The following CAMTA1 variants were observed in gnomAD, a reference collection of about 807,000 sequenced individuals.
CAMTA1 encodes the protein calmodulin-binding transcription activator 1.
Under a neutral mutation model 170.9 loss-of-function variants are expected in CAMTA1, and 27 were observed. That is an observed-to-expected ratio of 0.16 (90% confidence interval 0.12 to 0.22). The LOEUF (loss-of-function observed/expected upper bound fraction) is 0.22. CAMTA1 is among the 10% of genes least tolerant of loss of function. The pLI is 1.00. For missense variants in CAMTA1, 1,619 were observed against 2,217.2 expected (o/e 0.73, Z 5.42); for synonymous variants, 833 against 891.5 (o/e 0.93, Z 1.17).
chr1:7,659,829 C>T (rs534118362), intron 7 of CAMTA1, among the ~76,000 whole-genome samples: 1 of 152,334 alleles, frequency 6.6e-6, no homozygotes, highest in African/African-American at 2.4e-5. Context: ...TGGGTATGCA[C>T]AAAGTGCCAG....
At chr1:6,899,246 A>G (rs1204756487) in intron 3 of CAMTA1, among the ~76,000 whole-genome samples, 2 of 152,228 alleles carry the variant, frequency 1.3e-5, no homozygotes, top group African/African-American at 4.8e-5. Context: ...GATGGAGCCT[A>G]TTCTGGGAAG....
chr1:7,663,329 CGT>C (rs1335336562), intron 8 of CAMTA1, 22 bp from the exon 9 acceptor site: 3 of 1,517,344 alleles, frequency 2.0e-6, no homozygotes, highest in Non-Finnish European at 2.7e-6. Flanking sequence ...TGTGCGTGCG[CGT>C]GTTGTGTTCC....
chr1:7,594,216 AG>A (rs1361289866), intron 6 of CAMTA1, among the ~76,000 whole-genome samples: 1 of 149,480 alleles, frequency 6.7e-6, no homozygotes, highest in African/African-American at 2.5e-5. Flanking sequence ...GAAGGAAGGA[AG>A]GAAGGAAGGA....
chr1:7,266,212 G>A (rs1457804325), intron 5 of CAMTA1, among the ~76,000 whole-genome samples: 2 of 142,854 alleles, frequency 1.4e-5, no homozygotes, highest in African/African-American at 4.9e-5. Context: ...GCAGAGGAGG[G>A]AACAAGGAAC....
intron 6 of CAMTA1, among the ~76,000 whole-genome samples, chr1:7,511,430 T>G (rs1240479741): frequency 1.3e-5 from 2 of 151,636 alleles, no homozygotes; most frequent in African/African-American, 4.8e-5. Flanking sequence ...TGCAGGATGA[T>G]AATTATCATT....
Position 7,158,426 on chromosome 1 carries a change from T to C in CAMTA1, c.302+67055T>C, listed in dbSNP as rs531676941. On this transcript the variant is annotated intron_variant, in intron 4 of 22. Coordinates refer to ENST00000303635, the MANE Select transcript of CAMTA1 (RefSeq NM_015215.4). ...AGTACAATGCCTGTATCTTGACAGA[T>C]GTTGGATTGCACAGTGAGGCGCATT... Among the ~76,000 whole-genome samples the C allele has an allele frequency of 2.0e-5, 3 of 152,286 alleles. No homozygotes were observed. The South Asian group carries it at 6.2e-4, about 32-fold the overall frequency.
chr1:7,288,726 A>G lies in CAMTA1; in HGVS notation c.438+39100A>G, dbSNP rs572660242. Among the ~76,000 whole-genome samples, 9 of 152,338 alleles carry G rather than the reference A, an allele frequency of 5.9e-5. No homozygotes were observed. The South Asian group carries it at 1.7e-3, about 28-fold the overall frequency. The stretch of plus-strand genomic sequence containing the variant: ...ATCCCTGGTGCCCATGCAAAGCCCA[A>G]GAAGTGATGAGCAGAAGCCAGAAAG... On this transcript the variant is annotated intron_variant, in intron 5 of 22. Transcript: ENST00000303635.
chr1:7,226,318 C>T (rs750244096), intron 4 of CAMTA1, among the ~76,000 whole-genome samples: 1 of 152,148 alleles, frequency 6.6e-6, no homozygotes, highest in African/African-American at 2.4e-5. Context: ...GTGATTTCCA[C>T]TTGCCTTCAG....
intron 11 of CAMTA1, among the ~76,000 whole-genome samples, chr1:7,707,287 G>A (rs1286769765): frequency 6.6e-6 from 1 of 152,186 alleles, no homozygotes; most frequent in East Asian, 1.9e-4. Context: ...TCCAGTACGT[G>A]AATAACAAGT....
intron 5 of CAMTA1, among the ~76,000 whole-genome samples, chr1:7,265,735 C>CT (rs1219058439): frequency 6.6e-6 from 1 of 152,226 alleles, no homozygotes; most frequent in African/African-American, 2.4e-5. Flanking sequence ...ACTGTTGCTA[C>CT]TAGCAAAGTT....
intron 3 of CAMTA1, among the ~76,000 whole-genome samples, chr1:6,832,418 C>T (rs1177228250): frequency 1.3e-5 from 2 of 151,924 alleles, no homozygotes; most frequent in East Asian, 1.9e-4. Flanking sequence ...TTTTTGGTGT[C>T]GATACATAAT....
intron 19 of CAMTA1, among the ~76,000 whole-genome samples, chr1:7,750,358 G>GC (rs2096887718): frequency 6.6e-6 from 1 of 152,208 alleles, no homozygotes; most frequent in African/African-American, 2.4e-5. Context: ...ATTTTTCCTT[G>GC]CGACGGTAAG....
chr1:7,041,921 T>G lies in CAMTA1; in HGVS notation c.235-49383T>G, dbSNP rs1704525412. ...TGGTGGCAATAATGTGTGCAGGGGT[T>G]AACGTCTGAATGCTCTGATCTGGAA... On this transcript the variant is annotated intron_variant, in intron 3 of 22. Coordinates refer to ENST00000303635, the MANE Select transcript of CAMTA1 (RefSeq NM_015215.4). The surrounding 1 kb of genome is among the most constrained non-coding windows in gnomAD (Gnocchi z 5.1). Among the ~76,000 whole-genome samples the G allele has an allele frequency of 6.6e-6, 1 of 152,192 alleles. No homozygotes were observed. The highest frequency in any genetic ancestry group is 1.5e-5 in the Non-Finnish European group (1 of 68,032).
chr1:7,434,701 T>G (rs1270705222), intron 5 of CAMTA1, among the ~76,000 whole-genome samples: 1 of 152,048 alleles, frequency 6.6e-6, no homozygotes, highest in Non-Finnish European at 1.5e-5. Context: ...TGCCAGCATC[T>G]TACCTAGTGA....
chr1:7,245,666 T>A (rs1319136359), intron 4 of CAMTA1, among the ~76,000 whole-genome samples: 3 of 152,094 alleles, frequency 2.0e-5, no homozygotes, highest in Non-Finnish European at 4.4e-5. Flanking sequence ...AGAATAAAGC[T>A]CCCTGTTGTC....
At chr1:7,361,783 C>G (rs1012914144) in intron 5 of CAMTA1, among the ~76,000 whole-genome samples, 7 of 152,178 alleles carry the variant, frequency 4.6e-5, no homozygotes, top group Non-Finnish European at 1.0e-4. Context: ...TATCCCGACT[C>G]ATCTGTTTAG....
At chr1:7,679,731 G>C (rs1033673025) in intron 11 of CAMTA1, among the ~76,000 whole-genome samples, 1 of 152,246 alleles carries the variant, frequency 6.6e-6, no homozygotes, top group African/African-American at 2.4e-5. Context: ...GTTACCACCA[G>C]CCAGGGCACA....
At chr1:7,083,253 A>T (rs955691684) in intron 3 of CAMTA1, among the ~76,000 whole-genome samples, 10 of 152,248 alleles carry the variant, frequency 6.6e-5, no homozygotes, top group African/African-American at 2.4e-4. Flanking sequence ...TTTTGTAGAC[A>T]GTCCTCCAGA....
intron 6 of CAMTA1, among the ~76,000 whole-genome samples, chr1:7,581,386 C>T (rs1233057447): frequency 1.3e-5 from 2 of 152,242 alleles, no homozygotes; most frequent in East Asian, 1.9e-4. Context: ...GCAACTAGCA[C>T]TAGCGGCTTC....
Sources: allele counts gnomAD v4.1 joint callset (sites outside exome capture counted in the v4.1 genomes callset), GRCh38; gene constraint gnomAD v4.1.1; non-coding constraint Gnocchi (gnomAD v3.1); transcripts MANE v1.5; gene names NCBI Gene and HGNC (gene_info 2026-07-23, HGNC 2026-07-21).